Variants in SLC24A3 observed in about 807,000 individuals in gnomAD.
The protein encoded by SLC24A3 is sodium/potassium/calcium exchanger 3.
In SLC24A3, 28 loss-of-function variants were observed where a neutral mutation model predicts 75.8. That is an observed-to-expected ratio of 0.37 (90% CI 0.27 to 0.51). The LOEUF (loss-of-function observed/expected upper bound fraction) is 0.51, where lower values mean the gene tolerates loss of function less well. Ranked by LOEUF, SLC24A3 falls within the 20% of genes least tolerant of loss-of-function variation. The probability of loss-of-function intolerance (pLI) is 0.94; values close to 1 mark genes in which losing one functional copy is unlikely to be tolerated. For synonymous variants in SLC24A3, 372 were observed against 334.1 expected (o/e 1.11, Z -1.24); for missense variants, 663 against 847.8 (o/e 0.78, Z 2.71).
At chr20:19,678,365 G>A (rs1398997310) in intron 9 of SLC24A3, among the ~76,000 whole-genome samples, 1 of 129,538 alleles carries the variant, frequency 7.7e-6, no homozygotes, top group East Asian at 2.2e-4. Flanking sequence ...CTCCCGGACG[G>A]GGCGGCTGGC....
At chr20:19,703,375 C>T (rs2032895209) in intron 15 of SLC24A3, among the ~76,000 whole-genome samples, 1 of 152,198 alleles carries the variant, frequency 6.6e-6, no homozygotes, top group African/African-American at 2.4e-5. Flanking sequence ...GAGTTTAAGA[C>T]CTCATCCACT....
chr20:19,635,634 G>A (rs572619995), intron 6 of SLC24A3, among the ~76,000 whole-genome samples: 1 of 152,342 alleles, frequency 6.6e-6, no homozygotes, highest in Admixed American at 6.5e-5. Context: ...TGACGTGAAT[G>A]ACTGGGGCTG....
intron 2 of SLC24A3, among the ~76,000 whole-genome samples, chr20:19,483,386 T>C (rs1988086474): frequency 6.6e-6 from 1 of 152,228 alleles, no homozygotes; most frequent in African/African-American, 2.4e-5. Context: ...AAAATAAATT[T>C]TGACAGCAGC....
chr20:19,318,027 G>A (rs940126789), intron 2 of SLC24A3, among the ~76,000 whole-genome samples: 2 of 152,168 alleles, frequency 1.3e-5, no homozygotes, highest in Admixed American at 6.5e-5. Context: ...TGGCAGGCTG[G>A]AAATGTCAGA....
At chr20:19,674,865 C>A (rs902834059) in intron 9 of SLC24A3, among the ~76,000 whole-genome samples, 20 of 152,012 alleles carry the variant, frequency 1.3e-4, no homozygotes, top group Admixed American at 1.3e-3. Flanking sequence ...CCAGCCTGGC[C>A]AACATGGTGA....
At chr20:19,657,280 G>A (rs186850246) in intron 7 of SLC24A3, among the ~76,000 whole-genome samples, 144 of 152,248 alleles carry the variant, frequency 9.5e-4, no homozygotes, top group African/African-American at 3.4e-3. Flanking sequence ...TACTTTAACT[G>A]GTGTTCCTCC....
chr20:19,628,373 A>G (rs1350089580), intron 6 of SLC24A3, among the ~76,000 whole-genome samples: 1 of 152,140 alleles, frequency 6.6e-6, no homozygotes, highest in African/African-American at 2.4e-5. Context: ...ACTTAACAAC[A>G]ATGTATAAAC....
intron 2 of SLC24A3, among the ~76,000 whole-genome samples, chr20:19,356,557 G>A (rs6046014): frequency 0.011 from 1,647 of 152,284 alleles, 27 homozygotes; most frequent in African/African-American, 0.036. Flanking sequence ...GTCCTATAGT[G>A]TGGCTCTACC....
At position 19,262,664 on chromosome 20, in the gene SLC24A3, C is replaced by G. The variant is rs564535977; in HGVS notation, c.143-18295C>G. ...TCAGGCCACCCCTTCTCCCCTTTCT[C>G]CATAACTTTCTGCTGCTACTCAATG... On this transcript the variant is annotated intron_variant, in intron 1 of 16. Transcript: ENST00000328041. Among the ~76,000 whole-genome samples, 8 of 152,254 alleles carry G rather than the reference C, an allele frequency of 5.3e-5. No homozygotes were observed. The East Asian group carries it at 1.5e-3, about 29-fold the overall frequency.
At chr20:19,229,571 T>C (rs1981959764) in intron 1 of SLC24A3, among the ~76,000 whole-genome samples, 1 of 152,130 alleles carries the variant, frequency 6.6e-6, no homozygotes, top group Non-Finnish European at 1.5e-5. Flanking sequence ...CAATTAATTA[T>C]TTGAGAGACT....
At chr20:19,372,106 C>T (rs989219402) in intron 2 of SLC24A3, among the ~76,000 whole-genome samples, 1 of 152,230 alleles carries the variant, frequency 6.6e-6, no homozygotes, top group South Asian at 2.1e-4. Flanking sequence ...TGCTCTTACA[C>T]AAGGAACAGT....
chr20:19,214,990 C>T (rs1366250976), intron 1 of SLC24A3, among the ~76,000 whole-genome samples: 2 of 152,100 alleles, frequency 1.3e-5, no homozygotes, highest in Admixed American at 6.6e-5. Flanking sequence ...CCTGTGTTGC[C>T]CCCGAATGAC....
At chr20:19,366,166 G>A (rs981822536) in intron 2 of SLC24A3, among the ~76,000 whole-genome samples, 3 of 151,812 alleles carry the variant, frequency 2.0e-5, no homozygotes, top group Non-Finnish European at 4.4e-5. Context: ...GAGGGTGGGG[G>A]TGGAGTCCTG....
chr20:19,663,161 T>C, intron 7 of SLC24A3, among the ~76,000 whole-genome samples: 1 of 151,972 alleles, frequency 6.6e-6, no homozygotes. Context: ...CTCAAACTCA[T>C]GGCTCAAGTG....
intron 1 of SLC24A3, among the ~76,000 whole-genome samples, chr20:19,222,943 C>CT (rs200271981): frequency 3.3e-5 from 5 of 152,132 alleles, no homozygotes; most frequent in Middle Eastern, 6.8e-3. Context: ...CCCCATACCC[C>CT]TTTTTTTAAT....
At chr20:19,215,256 A>G (rs1409619966) in intron 1 of SLC24A3, among the ~76,000 whole-genome samples, 2 of 152,214 alleles carry the variant, frequency 1.3e-5, no homozygotes, top group African/African-American at 2.4e-5. Context: ...TGGTACAGAT[A>G]CTGAAGTTTG....
In SLC24A3 at chr20:19,296,759, A is replaced by G. The variant is rs1052187317; in HGVS notation, c.271+15672A>G. On this transcript the variant is annotated intron_variant, in intron 2 of 16. Transcript: ENST00000328041. ...GATCAAGTGGACCTGATAGACATCT[A>G]CAGAGCTTTCCACCTAAAAACAACA... 2.6e-5 allele frequency among the ~76,000 whole-genome samples: 4 copies of G among 152,334 alleles called. No individual in the cohort carries two copies. The East Asian group carries it at 7.7e-4, about 29-fold the overall frequency.
intron 1 of SLC24A3, among the ~76,000 whole-genome samples, chr20:19,268,377 A>T (rs1983227982): frequency 6.6e-6 from 1 of 152,228 alleles, no homozygotes; most frequent in Non-Finnish European, 1.5e-5. Context: ...CCAATAAGTT[A>T]TGTAGCTCAT....
At chr20:19,719,890 G>A (rs894957618) in intron 16 of SLC24A3, among the ~76,000 whole-genome samples, 3 of 152,192 alleles carry the variant, frequency 2.0e-5, no homozygotes, top group Non-Finnish European at 4.4e-5. Flanking sequence ...TTGAATCAGA[G>A]GAAGGAGAGA....
Sources: allele counts gnomAD v4.1 joint callset (sites outside exome capture counted in the v4.1 genomes callset), GRCh38; gene constraint gnomAD v4.1.1; transcripts MANE v1.5; gene names NCBI Gene and HGNC (gene_info 2026-07-23, HGNC 2026-07-21).